Variants in HRH4 observed in about 807,000 individuals in gnomAD.
The protein encoded by HRH4 is histamine H4 receptor.
HRH4 carries 12 observed loss-of-function variants against 10.4 expected under a neutral mutation model. The ratio of observed to expected loss-of-function variants is 1.15; its 90% CI spans 0.74 to 1.87. The LOEUF is 1.87. HRH4 is among the 40% of genes most tolerant of loss of function. The pLI is 0.00. For synonymous variants in HRH4, 154 were observed against 166.6 expected (o/e 0.92, Z 0.58); for missense variants, 415 against 453.3 (o/e 0.92, Z 0.77).
intron 2 of HRH4, among the ~76,000 whole-genome samples, chr18:24,474,900 G>T (rs942563140): frequency 2.0e-5 from 3 of 152,006 alleles, no homozygotes; most frequent in Non-Finnish European, 4.4e-5. Context: ...TGGCCAGGCT[G>T]GTCTCGATCT....
intron 2 of HRH4, among the ~76,000 whole-genome samples, chr18:24,471,600 C>T (rs1440019681): frequency 1.1e-4 from 8 of 71,002 alleles, no homozygotes; most frequent in African/African-American, 5.0e-4. Context: ...CAGCAAGACT[C>T]CATCTCAAAA....
At chr18:24,471,147 T>C (rs1398388411) in intron 2 of HRH4, among the ~76,000 whole-genome samples, 5 of 151,988 alleles carry the variant, frequency 3.3e-5, no homozygotes. Context: ...CAGGGACCAC[T>C]GCAGTTTGTA....
intron 2 of HRH4, among the ~76,000 whole-genome samples, chr18:24,471,539 G>A (rs1385927495): frequency 3.4e-5 from 5 of 146,296 alleles, no homozygotes; most frequent in Admixed American, 1.4e-4. Flanking sequence ...CCCGGGAGGC[G>A]GAGGTTGCAG....
In HRH4 at chr18:24,479,040, C is replaced by T. The variant is rs1910232657; in HGVS notation, c.*1478C>T. On this transcript the variant is annotated 3_prime_UTR_variant, in exon 3 of 3. Transcript: ENST00000256906. Reference sequence around the variant, plus strand: ...TCAAGCGATTCTTGTGCCTAAGCCACCTGAGCAGCTGGGATTACAGGTGCA... The same window carrying T: ...TCAAGCGATTCTTGTGCCTAAGCCATCTGAGCAGCTGGGATTACAGGTGCA... 6.6e-6 allele frequency: 1 copy of T among 152,216 alleles called. No homozygotes were observed. Among genetic ancestry groups the T allele is most frequent in the Non-Finnish European group, 1.5e-5 (1 of 68,068 alleles). The allele number at this position is 152,216 out of a possible 1,614,324, so 9.4% of individuals were successfully genotyped here. A position where few individuals can be genotyped will look rare whatever the true frequency, so the allele number is the denominator to read the frequency against.
intron 1 of HRH4, among the ~76,000 whole-genome samples, chr18:24,465,973 A>G (rs1041686781): frequency 2.6e-5 from 4 of 152,150 alleles, no homozygotes; most frequent in Non-Finnish European, 5.9e-5. Context: ...ATTCTGTGAA[A>G]GAAATGAGTT....
At chr18:24,464,325 C>T (rs914974454) in intron 1 of HRH4, among the ~76,000 whole-genome samples, 1 of 152,160 alleles carries the variant, frequency 6.6e-6, no homozygotes, top group Admixed American at 6.5e-5. Flanking sequence ...TCTGAGTGCG[C>T]ACAGAGAGAG....
intron 1 of HRH4, among the ~76,000 whole-genome samples, chr18:24,466,090 G>A (rs1422744479): frequency 6.6e-6 from 1 of 151,466 alleles, no homozygotes; most frequent in African/African-American, 2.4e-5. Flanking sequence ...AGTGGACCTG[G>A]TGACCTATAT....
intron 2 of HRH4, among the ~76,000 whole-genome samples, chr18:24,471,582 G>T (rs1434877439): frequency 7.5e-6 from 1 of 132,762 alleles, no homozygotes; most frequent in Non-Finnish European, 1.5e-5. Context: ...ACTCCAGCCT[G>T]GGTGTCGCAG....
intron 1 of HRH4, among the ~76,000 whole-genome samples, 194 bp downstream of exon 1, chr18:24,461,115 G>A (rs1015728105): frequency 6.6e-6 from 1 of 152,158 alleles, no homozygotes; most frequent in Non-Finnish European, 1.5e-5. Flanking sequence ...AATCAGTGTG[G>A]TAGGGGAATT....
intron 1 of HRH4, among the ~76,000 whole-genome samples, chr18:24,465,258 G>A (rs957187554): frequency 6.6e-6 from 1 of 151,970 alleles, no homozygotes; most frequent in South Asian, 2.1e-4. Flanking sequence ...ACTGCACTCC[G>A]ACTTGGGTGA....
intron 2 of HRH4, among the ~76,000 whole-genome samples, chr18:24,469,376 A>G (rs954695564): frequency 3.3e-5 from 5 of 152,206 alleles, no homozygotes; most frequent in African/African-American, 1.2e-4. Flanking sequence ...CTGAATGGCC[A>G]AACGAAAAGA....
In HRH4 at chr18:24,477,174, C is replaced by T; in HGVS notation, c.785C>T (p.Ser262Phe). ...AGGAGAAAGAGTAGTCTCATGTTTT[C>T]CTCAAGAACCAAGATGAATAGCAAT... Reference protein sequence around the residue: ...RQRRKSSLMFSSRTKMNSNTI... With the variant: ...RQRRKSSLMFFSRTKMNSNTI... The change falls in exon 3 of 3, where the codon TCC becomes TTC. Residue 262 changes from serine (S) to phenylalanine (F), a missense_variant. Ser to Phe is a radical substitution (Grantham distance 155, BLOSUM62 -2). Transcript: ENST00000256906. 1.2e-6 allele frequency: 2 copies of T among 1,614,176 alleles called. No individual in the cohort carries two copies.
At chr18:24,467,736 G>T (rs1474678288) in intron 1 of HRH4, among the ~76,000 whole-genome samples, 2 of 152,094 alleles carry the variant, frequency 1.3e-5, no homozygotes, top group Non-Finnish European at 2.9e-5. Flanking sequence ...TAGAGATGAG[G>T]TTTCACCATG....
intron 2 of HRH4, among the ~76,000 whole-genome samples, chr18:24,474,832 C>T (rs894966870): frequency 4.0e-5 from 6 of 151,650 alleles, no homozygotes; most frequent in Admixed American, 1.3e-4. Context: ...ACTACAGGTG[C>T]GAGCCACCAT....
At chr18:24,471,164 G>T (rs559925140) in intron 2 of HRH4, among the ~76,000 whole-genome samples, 1 of 152,058 alleles carries the variant, frequency 6.6e-6, no homozygotes, top group South Asian at 2.1e-4. Flanking sequence ...TGTATTGTAT[G>T]CGGAGAGTGC....
intron 1 of HRH4, among the ~76,000 whole-genome samples, chr18:24,464,434 T>G (rs1478133869): frequency 2.6e-5 from 4 of 152,162 alleles, no homozygotes; most frequent in African/African-American, 9.7e-5. Context: ...TTGAAGGTCT[T>G]AGTTCCAAAT....
chr18:24,460,836 C>A lies in HRH4; in HGVS notation c.108C>A (p.Val36=). 1.9e-6 allele frequency: 3 copies of A among 1,590,620 alleles called. No homozygotes were observed. Among genetic ancestry groups the A allele is most frequent in the South Asian group, 1.1e-5 (1 of 87,260 alleles). Residue 36 remains valine, a synonymous_variant, in exon 1 of 3, where the codon GTC becomes GTA. Coordinates refer to ENST00000256906, the MANE Select transcript of HRH4 (RefSeq NM_021624.4). Reference sequence around the variant, plus strand: ...CTATAATGCTAGGAAATGCTTTGGTCATTTTAGCTTTTGTGGTGGACAAAA... The same window carrying A: ...CTATAATGCTAGGAAATGCTTTGGTAATTTTAGCTTTTGTGGTGGACAAAA... The part of the protein sequence containing the change: ...AFAIMLGNAL[V]ILAFVVDKNL...
intron 2 of HRH4, among the ~76,000 whole-genome samples, chr18:24,469,924 C>CAATAGATA (rs1251293428): frequency 6.6e-6 from 1 of 152,098 alleles, no homozygotes; most frequent in Non-Finnish European, 1.5e-5. Context: ...CACCCACCAC[C>CAATAGATA]CTCAGGTAGG....
intron 2 of HRH4, among the ~76,000 whole-genome samples, chr18:24,470,499 CTATTTT>C (rs750134880): frequency 9.2e-5 from 4 of 43,664 alleles, no homozygotes; most frequent in African/African-American, 1.1e-4. Context: ...ATTTGTTTCT[CTATTTT>C]TTTTTTTTTT....
Sources: allele counts gnomAD v4.1 joint callset (sites outside exome capture counted in the v4.1 genomes callset), GRCh38; gene constraint gnomAD v4.1.1; transcripts MANE v1.5; gene names NCBI Gene and HGNC (gene_info 2026-07-23, HGNC 2026-07-21).